CBLB: variants seen among roughly 807,000 people sequenced by gnomAD.
CBLB encodes E3 ubiquitin-protein ligase CBL-B.
In CBLB, 31 loss-of-function variants were observed where a neutral mutation model predicts 104.9. That is an observed-to-expected ratio of 0.30 (90% CI 0.22 to 0.40). CBLB has a LOEUF of 0.40. Ranked by LOEUF, CBLB falls within the 10% of genes least tolerant of loss-of-function variation. CBLB has a pLI of 1.00. For synonymous variants in CBLB, 440 were observed against 422.6 expected, an observed-to-expected ratio of 1.04 and a Z score of -0.51; for missense variants, 1,062 against 1,214.6, an observed-to-expected ratio of 0.87 and a Z score of 1.87.
chr3:105,763,203 G>A (rs2152934644), intron 4 of CBLB, among the ~76,000 whole-genome samples: 1 of 152,272 alleles, frequency 6.6e-6, no homozygotes, highest in Admixed American at 6.5e-5. Context: ...TGGCTCATAA[G>A]TGCAAGAGAC....
chr3:105,819,684 C>T (rs73854895), intron 3 of CBLB, among the ~76,000 whole-genome samples: 153 of 152,276 alleles, frequency 1.0e-3, no homozygotes, highest in African/African-American at 3.5e-3. Context: ...ATTCATTCAA[C>T]GGACACCATG....
chr3:105,796,783 C>T (rs1239010494), intron 3 of CBLB, among the ~76,000 whole-genome samples: 5 of 152,148 alleles, frequency 3.3e-5, no homozygotes, highest in Non-Finnish European at 2.9e-5. Context: ...TGAACAAACG[C>T]TTTTCCAAAG....
intron 2 of CBLB, among the ~76,000 whole-genome samples, chr3:105,864,219 A>G (rs2092292543): frequency 6.6e-6 from 1 of 152,164 alleles, no homozygotes; most frequent in Admixed American, 6.5e-5. Flanking sequence ...CTACATGGCA[A>G]TTATCCATTT....
At chr3:105,685,781 C>A in intron 13 of CBLB, among the ~76,000 whole-genome samples, 1 of 151,938 alleles carries the variant, frequency 6.6e-6, no homozygotes, top group African/African-American at 2.4e-5. Context: ...TTTATTCAAA[C>A]CAAATCTATT....
intron 12 of CBLB, among the ~76,000 whole-genome samples, chr3:105,695,218 A>T (rs904406330): frequency 2.0e-5 from 3 of 151,864 alleles, no homozygotes; most frequent in Non-Finnish European, 4.4e-5. Context: ...ACATAGATAG[A>T]TGCTTAATAA....
intron 3 of CBLB, among the ~76,000 whole-genome samples, chr3:105,838,538 G>C (rs146016829): frequency 6.6e-6 from 1 of 151,888 alleles, no homozygotes; most frequent in African/African-American, 2.4e-5. Flanking sequence ...AAAGGGGCAG[G>C]ATAAAAGGCT....
intron 11 of CBLB, among the ~76,000 whole-genome samples, chr3:105,703,140 A>G (rs1052545078): frequency 3.3e-5 from 5 of 152,168 alleles, no homozygotes; most frequent in African/African-American, 4.8e-5. Flanking sequence ...TGCTTTTCGT[A>G]GCTTTTGACT....
intron 4 of CBLB, among the ~76,000 whole-genome samples, chr3:105,772,862 T>G (rs2079019671): frequency 6.6e-6 from 1 of 152,140 alleles, no homozygotes; most frequent in Non-Finnish European, 1.5e-5. Context: ...AAACAATAGA[T>G]GTTGTTAAAC....
rs144574623 is a variant in CBLB, at chr3:105,723,980, T to C, written c.1204-3730A>G. 603 of 158,540 alleles carry C rather than the reference T, an allele frequency of 3.8e-3. 2 individuals are homozygous for C. The highest frequency in any genetic ancestry group is 0.014 in the African/African-American group (572 of 41,784). 9.8% of individuals were successfully genotyped at this position (158,540 alleles called of 1,614,324 possible). A position where few individuals can be genotyped will look rare whatever the true frequency, so the allele number is the denominator to read the frequency against. On this transcript the variant is annotated intron_variant, in intron 9 of 18. Coordinates refer to ENST00000394030, the MANE Select transcript of CBLB (RefSeq NM_170662.5). Reference sequence around the variant, plus strand: ...TATATTTTTACTGTATGTGTATGCATATGTATGTATTTTTTCCTTTATCAA... The same window carrying C: ...TATATTTTTACTGTATGTGTATGCACATGTATGTATTTTTTCCTTTATCAA...
At chr3:105,699,674 A>G (rs1471837887) in intron 12 of CBLB, among the ~76,000 whole-genome samples, 1 of 152,178 alleles carries the variant, frequency 6.6e-6, no homozygotes, top group Non-Finnish European at 1.5e-5. Flanking sequence ...AATTTATCTA[A>G]GTTCTGGTAT....
At chr3:105,692,551 A>C (rs1347349969) in intron 13 of CBLB, among the ~76,000 whole-genome samples, 1 of 152,138 alleles carries the variant, frequency 6.6e-6, no homozygotes, top group African/African-American at 2.4e-5. Flanking sequence ...AAAATCTCAC[A>C]AAGTCAGAAA....
upstream of CBLB, chr3:105,869,399 A>C (rs960650413): frequency 7.5e-7 from 1 of 1,339,712 alleles, no homozygotes; most frequent in African/African-American, 1.5e-5. Flanking sequence ...CTGGGGCTGA[A>C]AGGCGGGACT....
chr3:105,850,252 GTTTT>G (rs1296104575), intron 3 of CBLB, among the ~76,000 whole-genome samples: 3 of 151,930 alleles, frequency 2.0e-5, no homozygotes, highest in Admixed American at 6.6e-5. Flanking sequence ...CTGGAAGAGG[GTTTT>G]TTATGTTTGA....
intron 4 of CBLB, among the ~76,000 whole-genome samples, chr3:105,760,986 G>A (rs186040828): frequency 6.6e-5 from 10 of 152,184 alleles, no homozygotes; most frequent in East Asian, 3.9e-4. Flanking sequence ...GTCTATTACC[G>A]AAATGTAAAT....
At chr3:105,751,424 A>T (rs369729417) in intron 5 of CBLB, 38 bp downstream of exon 5, 5 of 1,464,818 alleles carry the variant, frequency 3.4e-6, no homozygotes, top group Non-Finnish European at 2.9e-6. Flanking sequence ...AGGGAGAGAG[A>T]AGAAGGGAAT....
chr3:105,733,894 C>T (rs1034001723), intron 9 of CBLB, 115 bp downstream of exon 9: 48 of 901,714 alleles, frequency 5.3e-5, no homozygotes, highest in Non-Finnish European at 7.3e-5. Context: ...AATCTTTACA[C>T]AATCATTTCA....
intron 10 of CBLB, among the ~76,000 whole-genome samples, chr3:105,710,089 T>C (rs1016222189): frequency 7.9e-5 from 12 of 151,974 alleles, no homozygotes; most frequent in African/African-American, 2.9e-4. Flanking sequence ...CTTTGTTGAT[T>C]TGAAAGTGCT....
intron 12 of CBLB, among the ~76,000 whole-genome samples, chr3:105,699,241 C>T (rs1020717426): frequency 2.0e-5 from 3 of 151,968 alleles, no homozygotes; most frequent in Non-Finnish European, 2.9e-5. Context: ...GAAGATGTTT[C>T]GGTTTAAAAA....
intron 12 of CBLB, among the ~76,000 whole-genome samples, chr3:105,699,086 C>A (rs1456444852): frequency 6.6e-6 from 1 of 152,026 alleles, no homozygotes; most frequent in African/African-American, 2.4e-5. Flanking sequence ...AGATTACTAG[C>A]ACCAAGTAAG....
Sources: gnomAD v4.1 joint callset for allele counts (sites outside exome capture counted in the v4.1 genomes callset) on GRCh38, gnomAD v4.1.1 for gene constraint, MANE v1.5 for transcripts, NCBI Gene and HGNC (gene_info 2026-07-23, HGNC 2026-07-21) for gene names.